The following ARL15 variants were observed in gnomAD, a reference collection of about 807,000 sequenced individuals.
ARL15 encodes ADP-ribosylation factor-like protein 15.
A neutral mutation model predicts 25.2 loss-of-function variants in ARL15; 19 were observed. The ratio of observed to expected loss-of-function variants is 0.75; its 90% CI spans 0.53 to 1.10. ARL15 has a LOEUF of 1.10. Among genes scored for constraint, ARL15 ranks in the 50% least tolerant of loss-of-function variants. The pLI is 0.00. For missense variants in ARL15, 220 were observed against 246.0 expected, an observed-to-expected ratio of 0.89 and a Z score of 0.71; for synonymous variants, 94 against 86.8, an observed-to-expected ratio of 1.08 and a Z score of -0.46.
chr5:54,145,992 G>A (rs1456683700), intron 3 of ARL15, among the ~76,000 whole-genome samples: 3 of 152,040 alleles, frequency 2.0e-5, no homozygotes, highest in Non-Finnish European at 4.4e-5. Context: ...CCTCTGTGAA[G>A]TCTCCTTTCT....
At chr5:54,076,169 C>G (rs766672485) in intron 4 of ARL15, among the ~76,000 whole-genome samples, 2 of 151,990 alleles carry the variant, frequency 1.3e-5, no homozygotes, top group Non-Finnish European at 2.9e-5. Flanking sequence ...GTAATCCCAG[C>G]GCTTTGGGAG....
chr5:54,099,825 C>T (rs1752383739), intron 4 of ARL15, among the ~76,000 whole-genome samples: 1 of 152,088 alleles, frequency 6.6e-6, no homozygotes, highest in Admixed American at 6.6e-5. Flanking sequence ...GAATTAGCCC[C>T]ATTTTACAGA....
At chr5:53,899,831 T>A (rs773144340) in intron 4 of ARL15, among the ~76,000 whole-genome samples, 64 of 152,342 alleles carry the variant, frequency 4.2e-4, no homozygotes, top group Non-Finnish European at 8.4e-4. Flanking sequence ...ATGTAAATGA[T>A]CTGTTTTTCA....
intron 1 of ARL15, among the ~76,000 whole-genome samples, chr5:54,225,291 G>A (rs1756487704): frequency 6.6e-6 from 1 of 152,102 alleles, no homozygotes; most frequent in Non-Finnish European, 1.5e-5. Flanking sequence ...CATGTCATGG[G>A]GACTAGCGGA....
At chr5:53,992,754 T>C (rs1561180063) in intron 4 of ARL15, among the ~76,000 whole-genome samples, 1 of 152,176 alleles carries the variant, frequency 6.6e-6, no homozygotes, top group Non-Finnish European at 1.5e-5. Flanking sequence ...TGTACAGTAT[T>C]GGTACATTGC....
intron 4 of ARL15, among the ~76,000 whole-genome samples, chr5:53,960,653 TA>T (rs1163912636): frequency 1.3e-5 from 2 of 152,212 alleles, no homozygotes; most frequent in African/African-American, 4.8e-5. Flanking sequence ...TTTCATCATA[TA>T]AATATCAATA....
chr5:54,138,803 G>A (rs1455833330), intron 3 of ARL15, among the ~76,000 whole-genome samples: 2 of 151,806 alleles, frequency 1.3e-5, no homozygotes, highest in East Asian at 1.9e-4. Context: ...GAATCTACAA[G>A]GAACTCAAAC....
chr5:53,976,156 A>G (rs891075508), intron 4 of ARL15, among the ~76,000 whole-genome samples: 1 of 152,192 alleles, frequency 6.6e-6, no homozygotes, highest in African/African-American at 2.4e-5. Context: ...CAAATAAGAC[A>G]TAATCCCTGC....
intron 4 of ARL15, among the ~76,000 whole-genome samples, chr5:54,096,910 T>G (rs1279588730): frequency 1.3e-5 from 2 of 152,144 alleles, no homozygotes; most frequent in African/African-American, 2.4e-5. Context: ...ACAAAATTCT[T>G]TATCCTGTTG....
intron 4 of ARL15, among the ~76,000 whole-genome samples, chr5:54,075,744 C>T (rs926012387): frequency 6.6e-6 from 1 of 152,154 alleles, no homozygotes; most frequent in African/African-American, 2.4e-5. Context: ...ACCTTGGCTT[C>T]CCAAAGTGCT....
intron 4 of ARL15, among the ~76,000 whole-genome samples, chr5:54,106,818 C>A (rs1379064181): frequency 6.6e-6 from 1 of 151,554 alleles, no homozygotes; most frequent in Non-Finnish European, 1.5e-5. Flanking sequence ...AAACTTACAA[C>A]CTTAAGGAGT....
At chr5:54,217,137 AG>A (rs1453229991) in intron 1 of ARL15, among the ~76,000 whole-genome samples, 1 of 151,996 alleles carries the variant, frequency 6.6e-6, no homozygotes, top group Non-Finnish European at 1.5e-5. Context: ...ATCCTCCCAA[AG>A]TATTTTGTAA....
Position 53,887,310 on chromosome 5 carries a change from A to G in ARL15, c.463-597T>C, listed in dbSNP as rs115909240. On this transcript the variant is annotated intron_variant, in intron 4 of 4. Coordinates refer to ENST00000504924, the MANE Select transcript of ARL15 (RefSeq NM_019087.3). ...TGCATGTATGTATGTTTGTATGCAT[A>G]TACACACTTACATAAATTTACATAT... is the stretch of plus-strand genomic sequence containing the variant. 5.0e-4 allele frequency: 349 copies of G among 696,788 alleles called. No individual in the cohort carries two copies. In the African/African-American group the frequency reaches 5.7e-3, roughly 11 times the overall value. 43.2% of individuals were successfully genotyped at this position (696,788 alleles called of 1,614,324 possible). A position where few individuals can be genotyped will look rare whatever the true frequency, so the allele number is the denominator to read the frequency against.
chr5:54,087,874 C>T (rs1046216616), intron 4 of ARL15, among the ~76,000 whole-genome samples: 2 of 152,140 alleles, frequency 1.3e-5, no homozygotes, highest in Non-Finnish European at 2.9e-5. Context: ...TGAGGCTTCA[C>T]CATGTTGGCC....
At chr5:54,067,546 T>C (rs928660801) in intron 4 of ARL15, among the ~76,000 whole-genome samples, 18 of 152,210 alleles carry the variant, frequency 1.2e-4, no homozygotes, top group Admixed American at 2.6e-4. Flanking sequence ...GAAGAACCTA[T>C]TTAAATAGGT....
At chr5:54,121,430 G>C (rs934563150) in intron 3 of ARL15, among the ~76,000 whole-genome samples, 4 of 152,028 alleles carry the variant, frequency 2.6e-5, no homozygotes, top group African/African-American at 9.7e-5. Context: ...GCATAAAATA[G>C]TGAATGGCAA....
intron 4 of ARL15, among the ~76,000 whole-genome samples, chr5:53,919,404 C>G (rs1303569756): frequency 2.6e-5 from 4 of 152,180 alleles, no homozygotes; most frequent in Non-Finnish European, 5.9e-5. Flanking sequence ...GTAAAATTAT[C>G]TGTGCTCCTG....
chr5:54,308,508 T>C (rs576593187), intron 1 of ARL15, among the ~76,000 whole-genome samples: 35 of 152,330 alleles, frequency 2.3e-4, no homozygotes, highest in Non-Finnish European at 4.7e-4. Context: ...GTTAGTAAAT[T>C]GGCAAAGAAA....
intron 1 of ARL15, among the ~76,000 whole-genome samples, chr5:54,175,723 A>T (rs1343454406): frequency 1.4e-5 from 2 of 144,626 alleles, no homozygotes; most frequent in African/African-American, 5.2e-5. Flanking sequence ...TGCAATCTCC[A>T]CTCACTGCAA....
Sources: allele counts gnomAD v4.1 joint callset (sites outside exome capture counted in the v4.1 genomes callset), GRCh38; gene constraint gnomAD v4.1.1; transcripts MANE v1.5; gene names NCBI Gene and HGNC (gene_info 2026-07-23, HGNC 2026-07-21).